The following LRRN2 variants were observed in gnomAD, a reference collection of about 807,000 sequenced individuals.
LRRN2 encodes the protein leucine rich repeat neuronal 2, also known as leucine-rich repeat neuronal protein 2.
A neutral mutation model predicts 35.7 loss-of-function variants in LRRN2; 10 were observed. The ratio of observed to expected loss-of-function variants is 0.28; its 90% CI spans 0.17 to 0.47. The LOEUF is 0.47. Among genes scored for constraint, LRRN2 ranks in the 20% least tolerant of loss-of-function variants. LRRN2 has a pLI of 0.99. For missense variants in LRRN2, 731 were observed against 940.3 expected, an observed-to-expected ratio of 0.78 and a Z score of 2.91; for synonymous variants, 391 against 409.6, an observed-to-expected ratio of 0.95 and a Z score of 0.55.
intron 1 of LRRN2, among the ~76,000 whole-genome samples, chr1:204,638,083 G>A (rs1273486368): frequency 1.3e-5 from 2 of 152,114 alleles, no homozygotes; most frequent in Non-Finnish European, 2.9e-5. Flanking sequence ...GACCCCAACA[G>A]TGATTGCCTG....
At chr1:204,681,255 T>C (rs1346766039) in intron 1 of LRRN2, among the ~76,000 whole-genome samples, 1 of 152,006 alleles carries the variant, frequency 6.6e-6, no homozygotes, top group African/African-American at 2.4e-5. Flanking sequence ...TGGCTGAGAG[T>C]CGCCTTTTTA....
rs770525415 is a variant in LRRN2, at chr1:204,618,864, T to C, written c.1129A>G (p.Ile377Val). The C allele has an allele frequency of 1.9e-6, 3 of 1,614,134 alleles. No homozygotes were observed. Among genetic ancestry groups the C allele is most frequent in the Non-Finnish European group, 2.5e-6 (3 of 1,180,034 alleles). ...GTGCCCGTGGCATTGGCCCAGCGGA[T>C]GACACAGTCACAGCGGATGGGGTTG... ...HGNPIRCDCV[I>V]RWANATGTRV... The change falls in exon 2 of 2, where the codon ATC (isoleucine) becomes GTC (valine). Residue 377 changes from isoleucine (I) to valine (V), a missense_variant. By Grantham distance (29) the Ile-to-Val change is conservative. This residue lies in a region of LRRN2 where 256 missense variants were observed against 392.4 expected (regional missense o/e 0.65). Transcript: ENST00000367177.
chr1:204,635,325 A>G (rs1433520862), intron 1 of LRRN2, among the ~76,000 whole-genome samples: 1 of 152,050 alleles, frequency 6.6e-6, no homozygotes, highest in Non-Finnish European at 1.5e-5. Context: ...ATATTAATAT[A>G]TAAATATTTT....
intron 1 of LRRN2, among the ~76,000 whole-genome samples, chr1:204,638,451 G>A (rs992584777): frequency 8.7e-6 from 1 of 115,430 alleles, no homozygotes; most frequent in African/African-American, 3.5e-5. Flanking sequence ...TCGCTCTGTC[G>A]CCCAGGCTGG....
At chr1:204,622,426 C>T (rs947805987) in intron 1 of LRRN2, among the ~76,000 whole-genome samples, 1 of 152,194 alleles carries the variant, frequency 6.6e-6, no homozygotes, top group Non-Finnish European at 1.5e-5. Context: ...GGCTACTTCC[C>T]ACTTTCCTCT....
intron 1 of LRRN2, among the ~76,000 whole-genome samples, chr1:204,662,066 A>G (rs900802776): frequency 2.6e-5 from 4 of 152,110 alleles, no homozygotes; most frequent in African/African-American, 9.7e-5. Flanking sequence ...GGGTCTGGAG[A>G]CTGACGTGAT....
At chr1:204,642,934 G>A (rs1380988092) in intron 1 of LRRN2, among the ~76,000 whole-genome samples, 1 of 152,148 alleles carries the variant, frequency 6.6e-6, no homozygotes. Context: ...CCAGCATCCT[G>A]AGGGGCTCAG....
intron 1 of LRRN2, chr1:204,629,181 T>TAGTCTCTCCTGTCCCATGC (rs1309495216): frequency 3.3e-5 from 5 of 152,282 alleles, no homozygotes; most frequent in South Asian, 2.1e-4. Context: ...ATACAAGTGA[T>TAGTCTCTCCTGTCCCATGC]AGTCTCTCCT....
At position 204,685,663 on chromosome 1, in the gene LRRN2, A is replaced by AC. The variant is rs1193878689; in HGVS notation, c.-571dup. 1 of 148,586 alleles carries AC rather than the reference A, an allele frequency of 6.7e-6. No homozygotes were observed. The highest frequency in any genetic ancestry group is 1.5e-5 in the Non-Finnish European group (1 of 67,144). The allele number at this position is 148,586 out of a possible 1,614,324, so 9.2% of individuals were successfully genotyped here. A position where few individuals can be genotyped will look rare whatever the true frequency, so the allele number is the denominator to read the frequency against. ...GGAGCAGGCCCTCGCGGCGCCCGGC[A>AC]CCCCCTCCACGCGCGCCCCTCTTCC... On this transcript the variant is annotated 5_prime_UTR_variant, in exon 1 of 2. Transcript: ENST00000367177.
chr1:204,652,253 C>A, intron 1 of LRRN2, among the ~76,000 whole-genome samples: 1 of 79,310 alleles, frequency 1.3e-5, no homozygotes, highest in African/African-American at 4.3e-5. Flanking sequence ...GCCCTCTCCT[C>A]TTCACCGCCC....
Position 204,619,560 on chromosome 1 carries a change from C to G in LRRN2, c.433G>C (p.Glu145Gln). The G allele has an allele frequency of 6.2e-7, 1 of 1,614,206 alleles. No individual in the cohort carries two copies. Among genetic ancestry groups the G allele is most frequent in the South Asian group, 1.1e-5 (1 of 91,084 alleles). ...AGCTGGTTGTGGTTGAGATAGAGTTCCTGTAGGCTGGCCAGCCCTGCAAAG... is the reference window on the plus strand; with the variant it reads ...AGCTGGTTGTGGTTGAGATAGAGTTGCTGTAGGCTGGCCAGCCCTGCAAAG... Reference protein sequence around the residue: ...HSFAGLASLQELYLNHNQLYR... With the variant: ...HSFAGLASLQQLYLNHNQLYR... The change falls in exon 2 of 2, where the codon GAA becomes CAA. Residue 145 changes from glutamate to glutamine, a missense_variant. Transcript: ENST00000367177.
chr1:204,641,014 A>AC (rs1571653313), intron 1 of LRRN2, among the ~76,000 whole-genome samples: 1 of 151,758 alleles, frequency 6.6e-6, no homozygotes, highest in African/African-American at 2.4e-5. Flanking sequence ...AGAAAAAAAA[A>AC]AAACAAAAAA....
intron 1 of LRRN2, among the ~76,000 whole-genome samples, chr1:204,631,160 G>A (rs1200951157): frequency 6.7e-6 from 1 of 148,572 alleles, no homozygotes; most frequent in Non-Finnish European, 1.5e-5. Flanking sequence ...TCTGATGCAT[G>A]CTGAAGTTTG....
At position 204,617,929 on chromosome 1, in the gene LRRN2, C is replaced by A. The variant is rs776335104; in HGVS notation, c.2064G>T (p.Leu688=). The stretch of plus-strand genomic sequence containing the variant: ...GCAGCTTCCTCCCTGGATTCCAGGG[C>A]AGGACGAGGGGAGCAGACACAACCC... ...SVRVVSAPLV[L]PWNPGRKLPR... is the part of the protein sequence containing the mutation. The change falls in exon 2 of 2, where the codon CTG becomes CTT. Residue 688 remains leucine (L), a synonymous_variant. Coordinates refer to ENST00000367177, the MANE Select transcript of LRRN2 (RefSeq NM_201630.2). 1 of 1,614,056 alleles carries A rather than the reference C, an allele frequency of 6.2e-7. No individual in the cohort carries two copies. The highest frequency in any genetic ancestry group is 8.5e-7 in the Non-Finnish European group (1 of 1,180,044).
chr1:204,673,655 C>A (rs1211165487), intron 1 of LRRN2, among the ~76,000 whole-genome samples: 2 of 152,226 alleles, frequency 1.3e-5, no homozygotes, highest in African/African-American at 2.4e-5. Context: ...ACTGCAGCCA[C>A]ACAGTAAACC....
chr1:204,650,216 C>T (rs1668194072), intron 1 of LRRN2, among the ~76,000 whole-genome samples: 1 of 152,244 alleles, frequency 6.6e-6, no homozygotes. Flanking sequence ...GCAGGAATCA[C>T]TTAGCCCTCA....
intron 1 of LRRN2, among the ~76,000 whole-genome samples, chr1:204,663,713 G>A (rs1668516126): frequency 6.6e-6 from 1 of 152,140 alleles, no homozygotes; most frequent in African/African-American, 2.4e-5. Flanking sequence ...TGCTTGTTGT[G>A]TCTGTTTGTG....
intron 1 of LRRN2, among the ~76,000 whole-genome samples, chr1:204,673,471 C>T (rs1292181469): frequency 2.0e-5 from 3 of 152,184 alleles, no homozygotes; most frequent in South Asian, 2.1e-4. Flanking sequence ...GACTGAGACA[C>T]GTCCAGGGTC....
At chr1:204,649,997 G>A (rs953483737) in intron 1 of LRRN2, among the ~76,000 whole-genome samples, 15 of 152,210 alleles carry the variant, frequency 9.9e-5, no homozygotes, top group African/African-American at 3.6e-4. Flanking sequence ...TTACCTATGA[G>A]CCTTGTAAAC....
Sources: gnomAD v4.1 joint callset for allele counts (sites outside exome capture counted in the v4.1 genomes callset) on GRCh38, gnomAD v4.1.1 for gene constraint, gnomAD v4.1.1 regional missense constraint, MANE v1.5 for transcripts, NCBI Gene and HGNC (gene_info 2026-07-23, HGNC 2026-07-21) for gene names.